Variants in CDH6 observed in about 807,000 individuals in gnomAD.
CDH6 encodes cadherin 6, also known as cadherin-6.
CDH6 carries 31 observed loss-of-function variants against 78.0 expected under a neutral mutation model. The observed-to-expected ratio is 0.40, with a 90% confidence interval of 0.30 to 0.54. The LOEUF (loss-of-function observed/expected upper bound fraction) is 0.54, where lower values mean the gene tolerates loss of function less well. CDH6 is among the 20% of genes least tolerant of loss of function. CDH6 has a pLI of 0.56. For synonymous variants in CDH6, 376 were observed against 368.8 expected, an observed-to-expected ratio of 1.02 and a Z score of -0.23; for missense variants, 724 against 975.9, an observed-to-expected ratio of 0.74 and a Z score of 3.44.
chr5:31,231,752 A>C (rs1741315792), intron 1 of CDH6, among the ~76,000 whole-genome samples: 3 of 152,178 alleles, frequency 2.0e-5, no homozygotes, highest in South Asian at 2.1e-4. Context: ...TGAACCTCTT[A>C]AAGGTCCCAC....
chr5:31,316,574 G>C (rs1738330580), intron 9 of CDH6, among the ~76,000 whole-genome samples: 1 of 152,178 alleles, frequency 6.6e-6, no homozygotes, highest in Non-Finnish European at 1.5e-5. Flanking sequence ...AAATAGATTA[G>C]TCTCACCTTT....
At chr5:31,230,754 A>ATT (rs1427189837) in intron 1 of CDH6, among the ~76,000 whole-genome samples, 6 of 152,234 alleles carry the variant, frequency 3.9e-5, no homozygotes, top group African/African-American at 1.4e-4. Flanking sequence ...AATCAAACTC[A>ATT]AAATAATTCT....
intron 1 of CDH6, among the ~76,000 whole-genome samples, chr5:31,217,533 TTCAA>T (rs1740901224): frequency 6.6e-6 from 1 of 152,114 alleles, no homozygotes; most frequent in African/African-American, 2.4e-5. Flanking sequence ...AGTGAACTGA[TTCAA>T]TCAATCAGTT....
chr5:31,302,808 GAA>G (rs1336115608), intron 6 of CDH6, among the ~76,000 whole-genome samples: 2 of 108,382 alleles, frequency 1.8e-5, no homozygotes, highest in East Asian at 2.6e-4. Flanking sequence ...GAGAAAGAAA[GAA>G]AGAAAGAAAG....
intron 1 of CDH6, among the ~76,000 whole-genome samples, chr5:31,215,352 GT>G (rs1740834582): frequency 6.6e-6 from 1 of 152,204 alleles, no homozygotes; most frequent in East Asian, 1.9e-4. Context: ...AGGTTTAGGG[GT>G]ACCATCAATA....
chr5:31,320,919 T>C (rs762179186), intron 11 of CDH6, among the ~76,000 whole-genome samples: 41 of 151,182 alleles, frequency 2.7e-4, no homozygotes, highest in Non-Finnish European at 5.6e-4. Context: ...GCAGAGGTTG[T>C]AGTGATCTGA....
intron 1 of CDH6, among the ~76,000 whole-genome samples, chr5:31,256,555 T>C (rs1018372181): frequency 1.3e-5 from 2 of 152,226 alleles, no homozygotes; most frequent in Non-Finnish European, 2.9e-5. Context: ...CACTAAGCCA[T>C]CTTTCCAACC....
At chr5:31,247,000 C>T (rs999394764) in intron 1 of CDH6, among the ~76,000 whole-genome samples, 1 of 152,186 alleles carries the variant, frequency 6.6e-6, no homozygotes, top group Non-Finnish European at 1.5e-5. Context: ...ATCTGCCTGC[C>T]TTAGCCTCCC....
At chr5:31,237,932 G>T (rs1001975815) in intron 1 of CDH6, among the ~76,000 whole-genome samples, 1 of 152,160 alleles carries the variant, frequency 6.6e-6, no homozygotes, top group Admixed American at 6.6e-5. Context: ...CTGCAGGATT[G>T]TTGCAATAGT....
chr5:31,297,193 T>C (rs1737633253), intron 3 of CDH6, 96 bp from the exon 4 acceptor site: 1 of 1,075,734 alleles, frequency 9.3e-7, no homozygotes, highest in Non-Finnish European at 1.4e-6. Context: ...CAGCATGATA[T>C]TTCCATACAA....
At chr5:31,269,227 T>C (rs904566859) in intron 2 of CDH6, among the ~76,000 whole-genome samples, 2 of 150,130 alleles carry the variant, frequency 1.3e-5, no homozygotes, top group African/African-American at 4.9e-5. Context: ...TCCTCTCCAA[T>C]TGTGATGCCA....
chr5:31,275,435 A>G (rs1370654331), intron 2 of CDH6, among the ~76,000 whole-genome samples: 3 of 152,162 alleles, frequency 2.0e-5, no homozygotes, highest in South Asian at 4.1e-4. Flanking sequence ...GCTCCCGCTT[A>G]TAAGTGAGAA....
rs1579922605 is a variant in CDH6, at chr5:31,328,466, T to G, written c.*5158T>G. 9.6e-6 allele frequency: 2 copies of G among 207,438 alleles called. No homozygotes were observed. The highest frequency in any genetic ancestry group is 1.5e-4 in the East Asian group (2 of 13,760). 12.8% of individuals were successfully genotyped at this position (207,438 alleles called of 1,614,324 possible). A position where few individuals can be genotyped will look rare whatever the true frequency, so the allele number is the denominator to read the frequency against. On this transcript the variant is annotated 3_prime_UTR_variant, in exon 12 of 12. Transcript: ENST00000265071. Reference sequence around the variant, plus strand: ...GAATGCTGTGTAGCAAATGTAAAACTGACCTGCTCGGAAGAAACGTAGGAA... The same window carrying G: ...GAATGCTGTGTAGCAAATGTAAAACGGACCTGCTCGGAAGAAACGTAGGAA...
At chr5:31,306,602 A>C (rs1317759192) in intron 7 of CDH6, among the ~76,000 whole-genome samples, 2 of 152,172 alleles carry the variant, frequency 1.3e-5, no homozygotes, top group African/African-American at 4.8e-5. Context: ...CATTGTGTCA[A>C]TTACTCCCCA....
At chr5:31,230,318 G>T (rs955417855) in intron 1 of CDH6, among the ~76,000 whole-genome samples, 6 of 152,156 alleles carry the variant, frequency 3.9e-5, no homozygotes, top group Non-Finnish European at 7.3e-5. Context: ...CTCACTAGGG[G>T]ATCATACACA....
chr5:31,290,144 C>T (rs1743118402), intron 2 of CDH6, among the ~76,000 whole-genome samples: 1 of 152,140 alleles, frequency 6.6e-6, no homozygotes, highest in African/African-American at 2.4e-5. Flanking sequence ...CCTGTAATCC[C>T]AGCTACACGG....
chr5:31,246,328 C>G (rs1741745843), intron 1 of CDH6, among the ~76,000 whole-genome samples: 1 of 152,112 alleles, frequency 6.6e-6, no homozygotes, highest in Non-Finnish European at 1.5e-5. Flanking sequence ...TTCTGCATCC[C>G]CCACTCCATT....
intron 1 of CDH6, among the ~76,000 whole-genome samples, chr5:31,215,969 G>A (rs1740849681): frequency 6.6e-6 from 1 of 152,102 alleles, no homozygotes; most frequent in African/African-American, 2.4e-5. Flanking sequence ...CCATCATAAA[G>A]TAGGAAGAAG....
chr5:31,303,012 T>C (rs191787411), intron 6 of CDH6, among the ~76,000 whole-genome samples: 1 of 151,924 alleles, frequency 6.6e-6, no homozygotes, highest in East Asian at 1.9e-4. Flanking sequence ...CACTGAGATC[T>C]CTTGGGTTGG....
Sources: gnomAD v4.1 joint callset for allele counts (sites outside exome capture counted in the v4.1 genomes callset) on GRCh38, gnomAD v4.1.1 for gene constraint, MANE v1.5 for transcripts, NCBI Gene and HGNC (gene_info 2026-07-23, HGNC 2026-07-21) for gene names.